Variants in SPEF2 observed in about 807,000 individuals in gnomAD.
SPEF2 encodes the protein sperm flagella and cilia-associated protein 2.
A neutral mutation model predicts 224.6 loss-of-function variants in SPEF2; 187 were observed. The observed-to-expected ratio is 0.83, with a 90% confidence interval of 0.74 to 0.94. The LOEUF is 0.94. Among genes scored for constraint, SPEF2 ranks in the 40% least tolerant of loss-of-function variants. The pLI is 0.00. For missense variants in SPEF2, 2,170 were observed against 2,135.6 expected, an observed-to-expected ratio of 1.02 and a Z score of -0.32; for synonymous variants, 715 against 707.3, an observed-to-expected ratio of 1.01 and a Z score of -0.17.
chr5:35,695,022 T>A (rs904585528), intron 13 of SPEF2, among the ~76,000 whole-genome samples: 1 of 152,186 alleles, frequency 6.6e-6, no homozygotes, highest in Non-Finnish European at 1.5e-5. Flanking sequence ...GAAGCCGAGC[T>A]CCTCCTGTGC....
intron 2 of SPEF2, among the ~76,000 whole-genome samples, chr5:35,637,043 C>T (rs535425211): frequency 2.6e-4 from 39 of 151,546 alleles, no homozygotes; most frequent in East Asian, 5.9e-4. Context: ...ACTTTGGAGG[C>T]GCTTCAAATC....
At chr5:35,807,860 G>A in intron 36 of SPEF2, 1 of 1,497,402 alleles carries the variant, frequency 6.7e-7, no homozygotes, top group Non-Finnish European at 8.9e-7. Flanking sequence ...CGAGTCCCAG[G>A]CCTTTAACAG....
chr5:35,712,361 C>G (rs2149600901), intron 19 of SPEF2, among the ~76,000 whole-genome samples: 1 of 152,178 alleles, frequency 6.6e-6, no homozygotes, highest in Middle Eastern at 3.4e-3. Flanking sequence ...TCATCAATAG[C>G]CGGGACTACA....
chr5:35,723,104 G>T (rs929173889), intron 20 of SPEF2, among the ~76,000 whole-genome samples: 1 of 152,038 alleles, frequency 6.6e-6, no homozygotes, highest in African/African-American at 2.4e-5. Flanking sequence ...GAGGGGCCAG[G>T]CTCCTCCCCA....
At position 35,680,632 on chromosome 5, in the gene SPEF2, C is replaced by A. The variant is rs181645380; in HGVS notation, c.1524+10405C>A. On this transcript the variant is annotated intron_variant, in intron 10 of 36. Coordinates refer to ENST00000356031, the MANE Select transcript of SPEF2 (RefSeq NM_024867.4). ...CAGTTTAGTAGGGATGAGAAAAAAACCATTCCAGAGAATGATGCTGTGTGG... is the reference window on the plus strand; with the variant it reads ...CAGTTTAGTAGGGATGAGAAAAAAAACATTCCAGAGAATGATGCTGTGTGG... Among the ~76,000 whole-genome samples, 262 of 152,204 alleles carry A rather than the reference C, an allele frequency of 1.7e-3. 2 individuals are homozygous for A. The highest frequency in any genetic ancestry group is 5.9e-3 in the African/African-American group (247 of 41,532).
chr5:35,625,376 TG>T (rs1431408195), intron 1 of SPEF2, among the ~76,000 whole-genome samples: 7 of 152,174 alleles, frequency 4.6e-5, no homozygotes, highest in African/African-American at 1.7e-4. Context: ...GAAAATGGTT[TG>T]TTACAGACCG....
rs1480201825 is a variant in SPEF2 at position 35,795,793 on chromosome 5, G to C, written c.4828G>C (p.Glu1610Gln). 1.2e-6 allele frequency: 2 copies of C among 1,608,608 alleles called. No individual in the cohort carries two copies. Among genetic ancestry groups the C allele is most frequent in the Admixed American group, 3.4e-5 (2 of 59,640 alleles). ...ATTTAATAGGCAGGAGCATCTTATA[G>C]AGGTAATGACTGAGATCTTTAAAAC... ...LPFNRQEHLIEFFFRLFADYE... is the reference protein window; with the variant it reads ...LPFNRQEHLIQFFFRLFADYE... Residue 1610 changes from glutamate (E) to glutamine (Q), a missense_variant and splice_region_variant, in exon 33 of 37, where the codon GAG (glutamate) becomes CAG (glutamine). Transcript: ENST00000356031.
chr5:35,741,036 A>G (rs1330043569), intron 23 of SPEF2, among the ~76,000 whole-genome samples: 1 of 152,368 alleles, frequency 6.6e-6, no homozygotes, highest in African/African-American at 2.4e-5. Context: ...CATTTGGTCA[A>G]TAAATACTTA....
At chr5:35,623,159 G>T (rs1410903811) in intron 1 of SPEF2, among the ~76,000 whole-genome samples, 1 of 152,154 alleles carries the variant, frequency 6.6e-6, no homozygotes, top group Non-Finnish European at 1.5e-5. Context: ...TTTTGAGGAG[G>T]GTTCCAGGAA....
intron 26 of SPEF2, among the ~76,000 whole-genome samples, 197 bp downstream of exon 26, chr5:35,763,899 A>C (rs908431978): frequency 6.6e-6 from 1 of 152,202 alleles, no homozygotes; most frequent in Non-Finnish European, 1.5e-5. Context: ...AAACGAACCA[A>C]CATTTAGGTT....
intron 8 of SPEF2, among the ~76,000 whole-genome samples, chr5:35,663,198 G>A (rs944435554): frequency 6.6e-6 from 1 of 151,930 alleles, no homozygotes; most frequent in Non-Finnish European, 1.5e-5. Flanking sequence ...CTTCATCTTT[G>A]ACTTCCTTAT....
At chr5:35,798,821 G>T (rs188460913) in intron 33 of SPEF2, among the ~76,000 whole-genome samples, 1 of 152,032 alleles carries the variant, frequency 6.6e-6, no homozygotes, top group Admixed American at 6.5e-5. Flanking sequence ...CTCCAACTCT[G>T]TTGGAGTTGG....
chr5:35,670,665 T>C lies in SPEF2; in HGVS notation c.1524+438T>C, dbSNP rs112471185. On this transcript the variant is annotated intron_variant, in intron 10 of 36. Coordinates refer to ENST00000356031, the MANE Select transcript of SPEF2 (RefSeq NM_024867.4). ...GTCTGGGTTTTATGAATAGCATAGA[T>C]TCAAACAATCTTTTATTCAAAGATT... The C allele has an allele frequency of 5.5e-4, 542 of 985,732 alleles. 5 individuals are homozygous for C. In the African/African-American group the frequency reaches 8.9e-3, roughly 16 times the overall value. The allele number at this position is 985,732 out of a possible 1,614,324, so 61.1% of individuals were successfully genotyped here. A position where few individuals can be genotyped will look rare whatever the true frequency, so the allele number is the denominator to read the frequency against.
At chr5:35,718,445 A>C (rs1426680799) in intron 20 of SPEF2, among the ~76,000 whole-genome samples, 1 of 152,132 alleles carries the variant, frequency 6.6e-6, no homozygotes, top group Non-Finnish European at 1.5e-5. Flanking sequence ...CCATCTAGAA[A>C]GAGGGGAGCA....
chr5:35,681,857 G>T (rs893668016), intron 10 of SPEF2, among the ~76,000 whole-genome samples: 3 of 152,178 alleles, frequency 2.0e-5, no homozygotes, highest in African/African-American at 7.2e-5. Context: ...AGAGAAGCCA[G>T]AGAGCTTTAG....
At chr5:35,697,299 T>C (rs1278811348) in intron 14 of SPEF2, among the ~76,000 whole-genome samples, 1 of 152,190 alleles carries the variant, frequency 6.6e-6, no homozygotes, top group Non-Finnish European at 1.5e-5. Context: ...ATCTGTGGAA[T>C]TTGACCATGG....
chr5:35,806,398 GTATATC>G (rs1391039406), intron 34 of SPEF2, among the ~76,000 whole-genome samples: 6 of 152,306 alleles, frequency 3.9e-5, no homozygotes. Context: ...ATATACATGT[GTATATC>G]TATATCTATA....
At chr5:35,796,598 C>T (rs1171978367) in intron 33 of SPEF2, among the ~76,000 whole-genome samples, 3 of 109,270 alleles carry the variant, frequency 2.7e-5, no homozygotes, top group East Asian at 2.7e-4. Context: ...GGCGAAAGAG[C>T]GAGACTGTCT....
chr5:35,642,099 C>G (rs901927470), intron 3 of SPEF2, among the ~76,000 whole-genome samples: 2 of 152,130 alleles, frequency 1.3e-5, no homozygotes, highest in Non-Finnish European at 1.5e-5. Context: ...CATATCTGCT[C>G]AGATCTTCTT....
Sources: allele counts gnomAD v4.1 joint callset (sites outside exome capture counted in the v4.1 genomes callset), GRCh38; gene constraint gnomAD v4.1.1; transcripts MANE v1.5; gene names NCBI Gene and HGNC (gene_info 2026-07-23, HGNC 2026-07-21).